PLA2G4A: variants seen among roughly 807,000 people sequenced by gnomAD.
PLA2G4A encodes phospholipase A2 group IVA, also known as cytosolic phospholipase A2.
Under a neutral mutation model 81.9 loss-of-function variants are expected in PLA2G4A, and 40 were observed. The ratio of observed to expected loss-of-function variants is 0.49; its 90% CI spans 0.38 to 0.64. PLA2G4A has a LOEUF of 0.64. Among genes scored for constraint, PLA2G4A ranks in the 30% least tolerant of loss-of-function variants. PLA2G4A has a pLI of 0.00. For missense variants in PLA2G4A, 715 were observed against 905.1 expected (o/e 0.79, Z 2.69); for synonymous variants, 302 against 296.9 (o/e 1.02, Z -0.18).
intron 8 of PLA2G4A, among the ~76,000 whole-genome samples, chr1:186,935,363 T>C (rs1394912719): frequency 1.3e-5 from 2 of 150,800 alleles, no homozygotes; most frequent in African/African-American, 4.9e-5. Flanking sequence ...AGGAAGGAGC[T>C]CGGTCATTGT....
intron 5 of PLA2G4A, among the ~76,000 whole-genome samples, chr1:186,904,420 C>G (rs1654661912): frequency 6.6e-6 from 1 of 152,190 alleles, no homozygotes; most frequent in Non-Finnish European, 1.5e-5. Flanking sequence ...TTTAATGCCT[C>G]ACAGGAAGTA....
At chr1:186,967,264 G>T (rs1264030959) in intron 15 of PLA2G4A, among the ~76,000 whole-genome samples, 2 of 151,980 alleles carry the variant, frequency 1.3e-5, no homozygotes, top group East Asian at 3.8e-4. Context: ...GGGTAGTAAA[G>T]GTATTCAGAC....
intron 3 of PLA2G4A, among the ~76,000 whole-genome samples, chr1:186,891,738 G>C (rs992101738): frequency 6.6e-6 from 1 of 152,134 alleles, no homozygotes; most frequent in African/African-American, 2.4e-5. Flanking sequence ...CTTAGCTATT[G>C]TAAATAGTGC....
intron 2 of PLA2G4A, among the ~76,000 whole-genome samples, chr1:186,857,473 T>C (rs1263950033): frequency 7.4e-6 from 1 of 134,416 alleles, no homozygotes; most frequent in East Asian, 2.0e-4. Flanking sequence ...ACATGTATAA[T>C]ATATATACAA....
At chr1:186,960,565 G>A (rs527930777) in intron 14 of PLA2G4A, among the ~76,000 whole-genome samples, 72 of 152,092 alleles carry the variant, frequency 4.7e-4, no homozygotes, top group African/African-American at 1.5e-3. Context: ...AATAAATTTG[G>A]GAACATTTAC....
chr1:186,902,455 G>A lies in PLA2G4A; in HGVS notation c.379-4510G>A, dbSNP rs184500303. Among the ~76,000 whole-genome samples the A allele has an allele frequency of 4.6e-5, 7 of 152,072 alleles. No homozygotes were observed. The East Asian group carries it at 7.7e-4, about 17-fold the overall frequency. ...TCTAGTTCCATGCTGCCCCTAGTCC[G>A]GCTCGAAGCAGCCCTGAGAAACATC... On this transcript the variant is annotated intron_variant, in intron 5 of 17. Transcript: ENST00000367466.
intron 7 of PLA2G4A, among the ~76,000 whole-genome samples, chr1:186,932,520 C>T (rs1211151879): frequency 2.0e-5 from 3 of 151,850 alleles, no homozygotes; most frequent in Admixed American, 6.6e-5. Flanking sequence ...AGGCTGGTCT[C>T]GAACTCCTGA....
intron 3 of PLA2G4A, among the ~76,000 whole-genome samples, chr1:186,876,410 CT>C (rs1341143716): frequency 1.3e-5 from 2 of 152,048 alleles, no homozygotes; most frequent in Non-Finnish European, 2.9e-5. Flanking sequence ...GAAATCTCCC[CT>C]TATATGATTT....
intron 1 of PLA2G4A, among the ~76,000 whole-genome samples, chr1:186,853,787 C>A (rs1262350628): frequency 1.3e-5 from 2 of 151,776 alleles, no homozygotes; most frequent in South Asian, 2.1e-4. Flanking sequence ...TTCAAATGAA[C>A]AAACATTTCT....
chr1:186,946,323 C>G (rs1400125474), intron 10 of PLA2G4A, among the ~76,000 whole-genome samples: 1 of 152,074 alleles, frequency 6.6e-6, no homozygotes, highest in Non-Finnish European at 1.5e-5. Flanking sequence ...TAGCAGTTTT[C>G]AGTTTCCTGT....
At chr1:186,964,676 C>T (rs1490493685) in intron 14 of PLA2G4A, among the ~76,000 whole-genome samples, 2 of 152,194 alleles carry the variant, frequency 1.3e-5, no homozygotes, top group Non-Finnish European at 2.9e-5. Context: ...TGTCCTTGAT[C>T]ATTTTCTTCA....
At chr1:186,846,410 T>G (rs1300517713) in intron 1 of PLA2G4A, among the ~76,000 whole-genome samples, 2 of 152,184 alleles carry the variant, frequency 1.3e-5, no homozygotes, top group South Asian at 2.1e-4. Flanking sequence ...AAATTAGATC[T>G]GTTCATATGT....
chr1:186,901,098 C>T (rs528597629), intron 5 of PLA2G4A, among the ~76,000 whole-genome samples: 14 of 152,148 alleles, frequency 9.2e-5, no homozygotes, highest in African/African-American at 2.2e-4. Context: ...GGGCAATTTA[C>T]GTAAGTTATT....
chr1:186,942,882 G>C (rs186080207), intron 10 of PLA2G4A, among the ~76,000 whole-genome samples: 174 of 152,058 alleles, frequency 1.1e-3, no homozygotes, highest in African/African-American at 3.9e-3. Context: ...GTCATAAGGC[G>C]GGTTGAGCTG....
At chr1:186,898,356 CA>C (rs1251982081) in intron 5 of PLA2G4A, among the ~76,000 whole-genome samples, 2 of 152,044 alleles carry the variant, frequency 1.3e-5, no homozygotes, top group African/African-American at 4.8e-5. Context: ...TAATAATAAG[CA>C]GTATCATGGG....
intron 5 of PLA2G4A, among the ~76,000 whole-genome samples, chr1:186,900,602 G>A (rs1654501664): frequency 6.6e-6 from 1 of 152,182 alleles, no homozygotes; most frequent in Non-Finnish European, 1.5e-5. Flanking sequence ...TATGTCAAAT[G>A]TGGTTTGGGG....
chr1:186,883,992 G>A (rs996783774), intron 3 of PLA2G4A, among the ~76,000 whole-genome samples: 1 of 152,010 alleles, frequency 6.6e-6, no homozygotes, highest in Non-Finnish European at 1.5e-5. Context: ...TTTTTTTAAG[G>A]ATGCCCAATA....
At chr1:186,941,384 G>A (rs1156278908) in intron 10 of PLA2G4A, among the ~76,000 whole-genome samples, 2 of 152,084 alleles carry the variant, frequency 1.3e-5, no homozygotes, top group Non-Finnish European at 2.9e-5. Flanking sequence ...ACAAAAATTA[G>A]CACACATGGG....
chr1:186,984,616 G>T lies in PLA2G4A; in HGVS notation c.2119-3761G>T, dbSNP rs115824346. Among the ~76,000 whole-genome samples, 267 of 151,978 alleles carry T rather than the reference G, an allele frequency of 1.8e-3. 1 individual carries two copies. The highest frequency in any genetic ancestry group is 6.1e-3 in the African/African-American group (252 of 41,446). ...ATTGATATTTCTTCATCTTGATAAG[G>T]GTGTGTAGGTACAAGTAAAAGTTCT... On this transcript the variant is annotated intron_variant, in intron 17 of 17. Transcript: ENST00000367466.
Sources: allele counts gnomAD v4.1 joint callset (sites outside exome capture counted in the v4.1 genomes callset), GRCh38; gene constraint gnomAD v4.1.1; transcripts MANE v1.5; gene names NCBI Gene and HGNC (gene_info 2026-07-23, HGNC 2026-07-21).